MSN: variants seen among roughly 807,000 people sequenced by gnomAD.
MSN encodes the protein epididymis luminal protein 70.
MSN carries 2 observed loss-of-function variants against 48.0 expected under a neutral mutation model. The ratio of observed to expected loss-of-function variants is 0.04; its 90% CI spans 0.02 to 0.13. The LOEUF (loss-of-function observed/expected upper bound fraction) is 0.13, where lower values mean the gene tolerates loss of function less well. Ranked by LOEUF, MSN falls within the 10% of genes least tolerant of loss-of-function variation. The pLI is 1.00. For synonymous variants in MSN, 146 were observed against 166.9 expected (o/e 0.87, Z 0.97); for missense variants, 267 against 470.1 (o/e 0.57, Z 3.99).
At chrX:65,736,294 C>T (rs1455609663) in intron 8 of MSN, among the ~76,000 whole-genome samples, 1 of 110,735 alleles carries the variant, frequency 9.0e-6, no homozygotes, top group Non-Finnish European at 1.9e-5. Flanking sequence ...GACAGGGCCC[C>T]GTGTACACTG....
chrX:65,714,960 A>G (rs1278825170), intron 1 of MSN, among the ~76,000 whole-genome samples: 1 of 111,751 alleles, frequency 8.9e-6, no homozygotes, highest in East Asian at 2.8e-4. Flanking sequence ...TTACTTTTAC[A>G]TTTAAGTCTT....
intron 1 of MSN, among the ~76,000 whole-genome samples, chrX:65,590,902 G>T (rs1349369730): frequency 9.0e-6 from 1 of 111,274 alleles, no homozygotes; most frequent in East Asian, 2.8e-4. Flanking sequence ...TGTCCCCTTT[G>T]GTTTGGAACT....
intron 5 of MSN, 73 bp from the exon 6 acceptor site, chrX:65,731,765 T>C: frequency 9.0e-7 from 1 of 1,105,328 alleles, no homozygotes; most frequent in Non-Finnish European, 1.2e-6. Context: ...AAGTACAGAG[T>C]AAGCAGGCTT....
intron 1 of MSN, among the ~76,000 whole-genome samples, chrX:65,715,223 C>T (rs2071451640): frequency 1.8e-5 from 2 of 111,482 alleles, no homozygotes; most frequent in Non-Finnish European, 3.8e-5. Flanking sequence ...GTTACTGGAG[C>T]CCTCTAGTAT....
chrX:65,682,348 C>T lies in MSN; in HGVS notation c.12+14495C>T, dbSNP rs939153995. On this transcript the variant is annotated intron_variant, in intron 1 of 12. Coordinates refer to ENST00000360270, the MANE Select transcript of MSN (RefSeq NM_002444.3). ...TCAATTAATTGCTTTTTGTTTTCAC[C>T]ACATACTACCCATGGCTTCTTTTGT... 9.8e-5 allele frequency among the ~76,000 whole-genome samples: 11 copies of T among 111,975 alleles called. No homozygotes were observed. In the Admixed American group the frequency reaches 1.0e-3, roughly 11 times the overall value.
intron 1 of MSN, among the ~76,000 whole-genome samples, chrX:65,607,328 G>A (rs1007072082): frequency 1.8e-5 from 2 of 111,273 alleles, no homozygotes; most frequent in South Asian, 3.8e-4. Context: ...ACCCCTGCAG[G>A]GCCTCTGACC....
At chrX:65,612,300 C>T (rs767075978) in intron 1 of MSN, among the ~76,000 whole-genome samples, 1 of 111,333 alleles carries the variant, frequency 9.0e-6, no homozygotes, top group Non-Finnish European at 1.9e-5. Flanking sequence ...CAAGATAGCC[C>T]TCACTAGATG....
upstream of MSN, among the ~76,000 whole-genome samples, chrX:65,662,823 A>C (rs1363824454): frequency 8.9e-6 from 1 of 112,672 alleles, no homozygotes; most frequent in Non-Finnish European, 1.9e-5. Context: ...GCACAGCAAA[A>C]GAAACTATCA....
chrX:65,740,922 T>C lies in MSN; in HGVS notation c.*1029T>C. 5.8e-6 allele frequency: 1 copy of C among 171,847 alleles called. No homozygotes were observed. Among genetic ancestry groups the C allele is most frequent in the South Asian group, 3.0e-4 (1 of 3,318 alleles). 14.2% of individuals were successfully genotyped at this position (171,847 alleles called of 1,213,427 possible). A position where few individuals can be genotyped will look rare whatever the true frequency, so the allele number is the denominator to read the frequency against. On this transcript the variant is annotated 3_prime_UTR_variant, in exon 13 of 13. Coordinates refer to ENST00000360270, the MANE Select transcript of MSN (RefSeq NM_002444.3). Reference sequence around the variant, plus strand: ...TCAGAGCTACTTGGGCCATAGCTCCTGCTCCACAGCCATCCCAGCCTTGGC... The same window carrying C: ...TCAGAGCTACTTGGGCCATAGCTCCCGCTCCACAGCCATCCCAGCCTTGGC...
At chrX:65,613,567 A>G in intron 1 of MSN, among the ~76,000 whole-genome samples, 1 of 112,092 alleles carries the variant, frequency 8.9e-6, no homozygotes, top group Non-Finnish European at 1.9e-5. Context: ...TGCCATTCTA[A>G]CTAGTATGAG....
intron 1 of MSN, among the ~76,000 whole-genome samples, chrX:65,669,302 TCTCTCTCTGTGGTTGA>T (rs2070907220): frequency 9.1e-6 from 1 of 110,435 alleles, no homozygotes; most frequent in African/African-American, 3.3e-5. Context: ...GCTCTTTGGG[TCTCTCTCTGTGGTTGA>T]CTCCTGACTC....
intron 2 of MSN, among the ~76,000 whole-genome samples, chrX:65,726,429 G>A (rs1401378612): frequency 1.8e-5 from 2 of 111,498 alleles, no homozygotes; most frequent in Admixed American, 9.5e-5. Flanking sequence ...CTATCTCACA[G>A]GGTTGTTTAC....
At chrX:65,627,058 C>T (rs2070513008) in intron 1 of MSN, among the ~76,000 whole-genome samples, 1 of 110,919 alleles carries the variant, frequency 9.0e-6, no homozygotes, top group African/African-American at 3.3e-5. Flanking sequence ...CCCTTTTTTC[C>T]TTGATTTACT....
At chrX:65,673,705 G>T (rs184066589) in intron 1 of MSN, among the ~76,000 whole-genome samples, 21 of 112,065 alleles carry the variant, frequency 1.9e-4, no homozygotes, top group Non-Finnish European at 3.6e-4. Flanking sequence ...CCTTTAGCTG[G>T]TTGTTCTGGA....
Position 65,733,290 on chromosome X carries a change from T to G in MSN, c.795+10T>G. ...TGACAAAAAAGCCCCGGTGAGTGAT[T>G]CCTCCCTCTGACCAAGACAGGTACT... On this transcript the variant is annotated intron_variant, in intron 7 of 12. Coordinates refer to ENST00000360270, the MANE Select transcript of MSN (RefSeq NM_002444.3). 1 of 1,176,680 alleles carries G rather than the reference T, an allele frequency of 8.5e-7. No homozygotes were observed. Among genetic ancestry groups the G allele is most frequent in the Non-Finnish European group, 1.2e-6 (1 of 863,613 alleles).
Position 65,738,535 on chromosome X carries a change from T to C in MSN, c.1262T>C (p.Met421Thr), listed in dbSNP as rs748066778. The C allele has an allele frequency of 8.3e-7, 1 of 1,206,436 alleles. No individual in the cohort carries two copies. The highest frequency in any genetic ancestry group is 1.1e-6 in the Non-Finnish European group (1 of 892,910). Residue 421 changes from methionine (M) to threonine (T), a missense_variant, in exon 11 of 13, where the codon ATG becomes ACG. This residue lies in a region of MSN where 70 missense variants were observed against 76.3 expected (regional missense o/e 0.92). Transcript: ENST00000360270. ...KKTQEQLALE[M>T]AELTARISQL... The stretch of plus-strand genomic sequence containing the variant: ...CCAATTTATCCGTAGGCCTTGGAAA[T>C]GGCAGAGCTGACAGCTCGAATCTCC...
intron 1 of MSN, among the ~76,000 whole-genome samples, chrX:65,689,872 T>C (rs2071156265): frequency 8.9e-6 from 1 of 112,121 alleles, no homozygotes; most frequent in Non-Finnish European, 1.9e-5. Context: ...TTTTTTCTTG[T>C]GGACTTGAAG....
At chrX:65,714,058 G>T (rs773945949) in intron 1 of MSN, among the ~76,000 whole-genome samples, 2 of 111,718 alleles carry the variant, frequency 1.8e-5, no homozygotes, top group African/African-American at 3.3e-5. Flanking sequence ...GGGATTACAG[G>T]TGTGAGCTAC....
At chrX:65,671,653 A>G (rs963588522) in intron 1 of MSN, among the ~76,000 whole-genome samples, 2 of 111,800 alleles carry the variant, frequency 1.8e-5, no homozygotes, top group African/African-American at 3.3e-5. Flanking sequence ...TCTTCAGTTC[A>G]CTTGGCCCTT....
Sources: gnomAD v4.1 joint callset for allele counts (sites outside exome capture counted in the v4.1 genomes callset) on GRCh38, gnomAD v4.1.1 for gene constraint, gnomAD v4.1.1 regional missense constraint, MANE v1.5 for transcripts, NCBI Gene and HGNC (gene_info 2026-07-23, HGNC 2026-07-21) for gene names.